The following PDZD2 variants were observed in gnomAD, a reference collection of about 807,000 sequenced individuals.
PDZD2 encodes PDZ domain-containing protein 2.
Under a neutral mutation model 220.7 loss-of-function variants are expected in PDZD2, and 90 were observed. That is an observed-to-expected ratio of 0.41 (90% confidence interval 0.34 to 0.49). PDZD2 has a LOEUF of 0.49. Ranked by LOEUF, PDZD2 falls within the 20% of genes least tolerant of loss-of-function variation. The pLI, the probability that PDZD2 is intolerant of heterozygous loss-of-function variation, is 0.28. For missense variants in PDZD2, 3,174 were observed against 3,608.5 expected (o/e 0.88, Z 3.08); for synonymous variants, 1,375 against 1,450.5 (o/e 0.95, Z 1.18).
At chr5:32,063,817 T>G (rs1366729301) in intron 14 of PDZD2, among the ~76,000 whole-genome samples, 2 of 152,212 alleles carry the variant, frequency 1.3e-5, no homozygotes, top group African/African-American at 4.8e-5. Flanking sequence ...ACGGAATCAA[T>G]AGCTTCTATC....
intron 1 of PDZD2, among the ~76,000 whole-genome samples, chr5:31,739,113 T>C (rs1455389100): frequency 6.6e-6 from 1 of 152,202 alleles, no homozygotes; most frequent in Non-Finnish European, 1.5e-5. Context: ...CTTGAACTCC[T>C]GACCTCAAGT....
At chr5:31,674,321 A>T (rs1355818850) in intron 1 of PDZD2, among the ~76,000 whole-genome samples, 1 of 152,166 alleles carries the variant, frequency 6.6e-6, no homozygotes, top group African/African-American at 2.4e-5. Context: ...TAAGCTAATT[A>T]CTCACTTTAA....
At chr5:31,711,241 C>T (rs888177821) in intron 1 of PDZD2, among the ~76,000 whole-genome samples, 3 of 152,192 alleles carry the variant, frequency 2.0e-5, no homozygotes, top group African/African-American at 7.2e-5. Context: ...GGCTTTGCAC[C>T]AGAATTTGCA....
chr5:31,691,906 G>T (rs1168389152), intron 1 of PDZD2, among the ~76,000 whole-genome samples: 1 of 152,240 alleles, frequency 6.6e-6, no homozygotes, highest in African/African-American at 2.4e-5. Flanking sequence ...TAGACATAAA[G>T]GTTCTCCACG....
At chr5:31,837,673 G>A (rs918137201) in intron 2 of PDZD2, among the ~76,000 whole-genome samples, 2 of 152,032 alleles carry the variant, frequency 1.3e-5, no homozygotes, top group African/African-American at 4.8e-5. Context: ...GCAGTGAGCC[G>A]AGATTGTGTC....
rs201965462 is a variant in PDZD2, at chr5:31,849,977, T to C, written c.476+50253T>C. 1.4e-3 allele frequency among the ~76,000 whole-genome samples: 49 copies of C among 35,994 alleles called. 11 individuals are homozygous for C. Among genetic ancestry groups the C allele is most frequent in the East Asian group, 7.5e-3 (11 of 1,474 alleles). 23.6% of individuals were successfully genotyped at this position (35,994 alleles called of 152,430 possible). On this transcript the variant is annotated intron_variant, in intron 2 of 24. Coordinates refer to ENST00000438447, the MANE Select transcript of PDZD2 (RefSeq NM_178140.4). Reference sequence around the variant, plus strand: ...ATATATATATACACATATATATATATACATATATATATATACACATATATA... The same window carrying C: ...ATATATATATACACATATATATATACACATATATATATATACACATATATA...
intron 1 of PDZD2, among the ~76,000 whole-genome samples, chr5:31,645,034 A>G (rs557000118): frequency 3.9e-5 from 6 of 152,242 alleles, no homozygotes; most frequent in Non-Finnish European, 5.9e-5. Flanking sequence ...AGATGGGGGA[A>G]GTTTTGTTGT....
At chr5:31,857,947 C>A (rs1298838034) in intron 2 of PDZD2, among the ~76,000 whole-genome samples, 1 of 152,168 alleles carries the variant, frequency 6.6e-6, no homozygotes, top group Admixed American at 6.5e-5. Context: ...CTGCCTCACA[C>A]CCCGAGTAAT....
chr5:31,942,066 A>G (rs1162721026), intron 2 of PDZD2, among the ~76,000 whole-genome samples: 1 of 152,266 alleles, frequency 6.6e-6, no homozygotes, highest in African/African-American at 2.4e-5. Context: ...TCTAGGCCAC[A>G]TCACAGTGAA....
intron 2 of PDZD2, among the ~76,000 whole-genome samples, chr5:31,975,077 TAAC>T (rs1346992300): frequency 1.3e-5 from 2 of 152,248 alleles, no homozygotes; most frequent in African/African-American, 4.8e-5. Context: ...AATTTTGTGA[TAAC>T]AATAATTAAA....
Position 31,646,074 on chromosome 5 carries a change from T to A in PDZD2, c.-361+6637T>A, listed in dbSNP as rs745967349. 1.3e-5 allele frequency among the ~76,000 whole-genome samples: 2 copies of A among 152,036 alleles called. No individual in the cohort carries two copies. The highest frequency in any genetic ancestry group is 2.9e-5 in the Non-Finnish European group (2 of 67,992). ...GGGGCCTTCTCACTACTGTCACTCC[T>A]AGGGAGATCTCAGGATACCTAGGCG... is the stretch of plus-strand genomic sequence containing the variant. On this transcript the variant is annotated intron_variant, in intron 1 of 24. Transcript: ENST00000438447. The surrounding 1 kb of genome is among the most constrained non-coding windows in gnomAD (Gnocchi z 4.7).
intron 2 of PDZD2, among the ~76,000 whole-genome samples, chr5:31,803,982 G>T (rs560380204): frequency 1.5e-3 from 231 of 151,570 alleles, no homozygotes; most frequent in African/African-American, 5.2e-3. Flanking sequence ...GATCGAGGCT[G>T]CAGTGAGCCA....
At chr5:31,868,563 C>A (rs1009418236) in intron 2 of PDZD2, among the ~76,000 whole-genome samples, 2 of 152,106 alleles carry the variant, frequency 1.3e-5, no homozygotes, top group Non-Finnish European at 2.9e-5. Flanking sequence ...CTCATAGGTT[C>A]ATGGTGAGGA....
chr5:32,067,421 C>A (rs939410841), intron 14 of PDZD2, among the ~76,000 whole-genome samples: 1 of 152,118 alleles, frequency 6.6e-6, no homozygotes. Context: ...TAAAATTATT[C>A]TCTACTATGT....
Position 32,088,722 on chromosome 5 carries a change from C to G in PDZD2, c.5274C>G (p.Ser1758=), listed in dbSNP as rs1485548732. Residue 1758 remains serine (S), a synonymous_variant, in exon 20 of 25, where the codon TCC becomes TCG. Coordinates refer to ENST00000438447, the MANE Select transcript of PDZD2 (RefSeq NM_178140.4). This position sits in a 1 kb window ranked among gnomAD's most constrained non-coding sequence, Gnocchi z 4.6. The stretch of plus-strand genomic sequence containing the variant: ...GCATTAATGCAGCTGCCAGTCTGTC[C>G]TCCTTCAGTGTGGATGTCCCTAAGA... The part of the protein sequence containing the change: ...ETSINAAASL[S]SFSVDVPKNG... 2 of 1,614,106 alleles carry G rather than the reference C, an allele frequency of 1.2e-6. No individual in the cohort carries two copies. Among genetic ancestry groups the G allele is most frequent in the East Asian group, 2.2e-5 (1 of 44,862 alleles).
intron 2 of PDZD2, among the ~76,000 whole-genome samples, chr5:31,804,068 A>T (rs1339586392): frequency 6.6e-6 from 1 of 152,044 alleles, no homozygotes; most frequent in Admixed American, 6.6e-5. Context: ...GATACAGAAA[A>T]TAAGAACATA....
chr5:32,003,306 C>A (rs1353971964), intron 5 of PDZD2, among the ~76,000 whole-genome samples: 1 of 125,318 alleles, frequency 8.0e-6, no homozygotes, highest in South Asian at 2.9e-4. Flanking sequence ...AAACACCACA[C>A]CACACACACC....
At chr5:31,941,114 G>A (rs137915140) in intron 2 of PDZD2, among the ~76,000 whole-genome samples, 1 of 152,288 alleles carries the variant, frequency 6.6e-6, no homozygotes, top group African/African-American at 2.4e-5. Flanking sequence ...ATTCATCATG[G>A]TGCTCTTTAA....
chr5:32,068,683 T>C (rs1740444248), intron 14 of PDZD2, among the ~76,000 whole-genome samples: 1 of 152,218 alleles, frequency 6.6e-6, no homozygotes, highest in Admixed American at 6.5e-5. Flanking sequence ...TACACAGTCA[T>C]CAATGTTGCA....
Sources: gnomAD v4.1 joint callset for allele counts (sites outside exome capture counted in the v4.1 genomes callset) on GRCh38, gnomAD v4.1.1 for gene constraint, Gnocchi (gnomAD v3.1) non-coding constraint, MANE v1.5 for transcripts, NCBI Gene and HGNC (gene_info 2026-07-23, HGNC 2026-07-21) for gene names.